Variants in IL6ST observed in about 807,000 individuals in gnomAD.
The protein encoded by IL6ST is interleukin 6 cytokine family signal transducer.
Under a neutral mutation model 91.3 loss-of-function variants are expected in IL6ST, and 24 were observed. The observed-to-expected ratio is 0.26, with a 90% confidence interval of 0.19 to 0.37. The LOEUF (loss-of-function observed/expected upper bound fraction) is 0.37. Ranked by LOEUF, IL6ST falls within the 10% of genes least tolerant of loss-of-function variation. The probability of loss-of-function intolerance (pLI) is 1.00; values close to 1 mark genes in which losing one functional copy is unlikely to be tolerated. For synonymous variants in IL6ST, 351 were observed against 373.6 expected (o/e 0.94, Z 0.70); for missense variants, 914 against 1,078.5 (o/e 0.85, Z 2.14).
chr5:55,987,133 C>G (rs1754020386), intron 1 of IL6ST, among the ~76,000 whole-genome samples: 1 of 152,190 alleles, frequency 6.6e-6, no homozygotes, highest in African/African-American at 2.4e-5. Flanking sequence ...CTACTGCATT[C>G]CAGCCTGGGT....
At chr5:55,988,850 G>A (rs1267601866) in intron 1 of IL6ST, among the ~76,000 whole-genome samples, 2 of 146,802 alleles carry the variant, frequency 1.4e-5, no homozygotes, top group Admixed American at 1.3e-4. Flanking sequence ...GTGGCTCACG[G>A]CTGTAATCCC....
At chr5:55,972,934 G>C (rs1753048137) in intron 3 of IL6ST, among the ~76,000 whole-genome samples, 1 of 151,742 alleles carries the variant, frequency 6.6e-6, no homozygotes, top group African/African-American at 2.4e-5. Context: ...GAACCTGGGG[G>C]GCAGAGGTTG....
In IL6ST at chr5:55,938,281, T is replaced by C. The variant is rs1285177386; in HGVS notation, c.*2801A>G. The C allele has an allele frequency of 2.1e-5, 4 of 192,078 alleles. No homozygotes were observed. The highest frequency in any genetic ancestry group is 3.3e-5 in the Non-Finnish European group (3 of 91,878). 11.9% of individuals were successfully genotyped at this position (192,078 alleles called of 1,614,324 possible). On this transcript the variant is annotated 3_prime_UTR_variant, in exon 17 of 17. Coordinates refer to ENST00000381298, the MANE Select transcript of IL6ST (RefSeq NM_002184.4). ...CAGAACATGTGAATGAAATTTGCTT[T>C]TTTTCCTTGCTGCTGTTCCCGAGTG...
At chr5:55,949,583 A>G (rs1751485472) in intron 14 of IL6ST, among the ~76,000 whole-genome samples, 1 of 152,206 alleles carries the variant, frequency 6.6e-6, no homozygotes. Flanking sequence ...ACAGAAATAC[A>G]TAAAATATAC....
At chr5:55,976,562 G>A (rs1052222552) in intron 2 of IL6ST, among the ~76,000 whole-genome samples, 3 of 152,086 alleles carry the variant, frequency 2.0e-5, no homozygotes, top group African/African-American at 7.2e-5. Context: ...TCTTATATTA[G>A]TAAATAACTG....
At chr5:55,962,517 C>CAA (rs1384703178) in intron 7 of IL6ST, among the ~76,000 whole-genome samples, 1 of 152,170 alleles carries the variant, frequency 6.6e-6, no homozygotes, top group Non-Finnish European at 1.5e-5. Context: ...TCCTCTACCT[C>CAA]AGTGGTTGGC....
chr5:55,958,655 T>C (rs1435441348), intron 8 of IL6ST, among the ~76,000 whole-genome samples: 2 of 151,848 alleles, frequency 1.3e-5, no homozygotes, highest in East Asian at 1.9e-4. Flanking sequence ...CTGGGCACCA[T>C]GACAAAACCT....
intron 1 of IL6ST, among the ~76,000 whole-genome samples, chr5:55,994,366 A>G (rs1754517490): frequency 6.6e-6 from 1 of 152,202 alleles, no homozygotes. Context: ...CGATTTCAAG[A>G]TGAAAAAACG....
chr5:55,978,032 C>T (rs1753419519), intron 2 of IL6ST, among the ~76,000 whole-genome samples: 1 of 152,008 alleles, frequency 6.6e-6, no homozygotes, highest in South Asian at 2.1e-4. Flanking sequence ...TCAAAATTCA[C>T]TGAATTCTGT....
At chr5:55,976,502 A>C (rs1753298770) in intron 2 of IL6ST, among the ~76,000 whole-genome samples, 1 of 152,200 alleles carries the variant, frequency 6.6e-6, no homozygotes, top group Non-Finnish European at 1.5e-5. Context: ...AACATAATTT[A>C]TACTTTAAGG....
At chr5:55,976,803 C>A (rs1377375703) in intron 2 of IL6ST, among the ~76,000 whole-genome samples, 2 of 152,124 alleles carry the variant, frequency 1.3e-5, no homozygotes, top group African/African-American at 2.4e-5. Flanking sequence ...GTAAATCAAG[C>A]ATGTGAAAAG....
At chr5:55,968,456 T>C in intron 4 of IL6ST, 60 bp from the exon 5 acceptor site, 13 of 1,492,066 alleles carry the variant, frequency 8.7e-6, no homozygotes, top group Non-Finnish European at 3.7e-6. Flanking sequence ...TTATGCAATT[T>C]ATATACTACC....
At chr5:55,990,298 G>A (rs999119816) in intron 1 of IL6ST, among the ~76,000 whole-genome samples, 1 of 151,694 alleles carries the variant, frequency 6.6e-6, no homozygotes, top group East Asian at 1.9e-4. Flanking sequence ...AAAAGAAGAA[G>A]AAGAGACTGT....
intron 2 of IL6ST, among the ~76,000 whole-genome samples, chr5:55,980,654 A>G (rs1444616599): frequency 6.6e-6 from 1 of 152,190 alleles, no homozygotes; most frequent in African/African-American, 2.4e-5. Flanking sequence ...GCATCACACA[A>G]TATACTCATG....
At chr5:55,974,401 C>G (rs1753148340) in intron 3 of IL6ST, among the ~76,000 whole-genome samples, 1 of 152,154 alleles carries the variant, frequency 6.6e-6, no homozygotes, top group Non-Finnish European at 1.5e-5. Context: ...TCTCCACACA[C>G]CGCAACCTTT....
At chr5:55,942,341 G>T (rs1237417865) in intron 16 of IL6ST, among the ~76,000 whole-genome samples, 2 of 152,178 alleles carry the variant, frequency 1.3e-5, no homozygotes, top group African/African-American at 4.8e-5. Context: ...AATGCTTGAG[G>T]TAGTTACCAT....
chr5:55,971,092 T>C (rs991315555), intron 3 of IL6ST, among the ~76,000 whole-genome samples: 3 of 152,202 alleles, frequency 2.0e-5, no homozygotes, highest in African/African-American at 7.2e-5. Context: ...AGATATCCCA[T>C]AGCTATTTTT....
intron 15 of IL6ST, among the ~76,000 whole-genome samples, chr5:55,942,976 A>T (rs950909408): frequency 2.4e-4 from 36 of 152,214 alleles, no homozygotes; most frequent in Non-Finnish European, 4.4e-4. Flanking sequence ...TGAATTAACA[A>T]AGCTAAATCT....
intron 14 of IL6ST, among the ~76,000 whole-genome samples, chr5:55,948,284 G>A (rs1329564003): frequency 6.6e-6 from 1 of 152,076 alleles, no homozygotes; most frequent in Admixed American, 6.5e-5. Flanking sequence ...ATCACTAATT[G>A]GGATAATTAA....
Sources: allele counts gnomAD v4.1 joint callset (sites outside exome capture counted in the v4.1 genomes callset), GRCh38; gene constraint gnomAD v4.1.1; transcripts MANE v1.5; gene names NCBI Gene and HGNC (gene_info 2026-07-23, HGNC 2026-07-21).